Variants in SFMBT1 observed in about 807,000 individuals in gnomAD.
SFMBT1 encodes Scm like with four mbt domains 1.
SFMBT1 carries 32 observed loss-of-function variants against 108.7 expected under a neutral mutation model. The observed-to-expected ratio is 0.29, with a 90% CI of 0.22 to 0.40. The LOEUF is 0.40. Ranked by LOEUF, SFMBT1 falls within the 10% of genes least tolerant of loss-of-function variation. The pLI is 1.00. For synonymous variants in SFMBT1, 348 were observed against 369.5 expected (o/e 0.94, Z 0.67); for missense variants, 816 against 1,059.6 (o/e 0.77, Z 3.19).
At chr3:52,940,723 T>C (rs960945645) in intron 4 of SFMBT1, among the ~76,000 whole-genome samples, 1 of 152,182 alleles carries the variant, frequency 6.6e-6, no homozygotes, top group African/African-American at 2.4e-5. Context: ...TGAAGAGTAA[T>C]GGGATATTTT....
At chr3:52,923,903 G>A (rs1702584156) in intron 10 of SFMBT1, among the ~76,000 whole-genome samples, 1 of 152,140 alleles carries the variant, frequency 6.6e-6, no homozygotes, top group Admixed American at 6.5e-5. Flanking sequence ...ACCTAGCACA[G>A]CGGATGAAAA....
rs762763268 is a variant in SFMBT1 at position 52,921,788 on chromosome 3, G to A, written c.1175C>T (p.Ala392Val). 2.8e-5 allele frequency: 45 copies of A among 1,613,888 alleles called. No individual in the cohort carries two copies. The highest frequency in any genetic ancestry group is 9.3e-5 in the African/African-American group (7 of 74,916). Residue 392 changes from alanine (A) to valine (V), a missense_variant, in exon 11 of 21, where the codon GCG (alanine) becomes GTG (valine). This residue lies in a region of SFMBT1 where 495 missense variants were observed against 607.4 expected (regional missense o/e 0.81). Transcript: ENST00000394752. Reference sequence around the variant, plus strand: ...TTCTTCAGGGAGAATGGGGTTCACCGCCTCGAGCTTCATGTTCTCCTTAAA... The same window carrying A: ...TTCTTCAGGGAGAATGGGGTTCACCACCTCGAGCTTCATGTTCTCCTTAAA... ...HEFKENMKLE[A>V]VNPILPEEVC...
rs1156868312 is a variant in SFMBT1, at chr3:52,913,467, C to A, written c.1620+11G>T. On this transcript the variant is annotated intron_variant, in intron 15 of 20. Coordinates refer to ENST00000394752, the MANE Select transcript of SFMBT1 (RefSeq NM_016329.4). ...ATTTCCAAGTTATTTTGCTCTAGGCCAGAACCTTACCTCTCTAAGGACCAG... is the reference window on the plus strand; with the variant it reads ...ATTTCCAAGTTATTTTGCTCTAGGCAAGAACCTTACCTCTCTAAGGACCAG... 5 of 1,609,110 alleles carry A rather than the reference C, an allele frequency of 3.1e-6. No individual in the cohort carries two copies. In the African/African-American group the frequency reaches 5.4e-5, roughly 17 times the overall value.
chr3:53,011,882 T>C (rs1000150029), intron 1 of SFMBT1, among the ~76,000 whole-genome samples: 1 of 152,090 alleles, frequency 6.6e-6, no homozygotes, highest in African/African-American at 2.4e-5. Context: ...GATGACAAAG[T>C]AGAAGAAAGG....
chr3:52,917,686 T>C (rs1245276532), intron 13 of SFMBT1, among the ~76,000 whole-genome samples: 1 of 152,170 alleles, frequency 6.6e-6, no homozygotes, highest in African/African-American at 2.4e-5. Context: ...AGCAGCAGCA[T>C]TAGATTCTCA....
intron 1 of SFMBT1, among the ~76,000 whole-genome samples, chr3:53,039,810 T>G (rs372865548): frequency 6.6e-6 from 1 of 152,192 alleles, no homozygotes; most frequent in East Asian, 1.9e-4. Flanking sequence ...AATTTTGGTA[T>G]ACTTTTTTTT....
chr3:52,921,924 C>A, intron 10 of SFMBT1, 93 bp from the exon 11 acceptor site: 2 of 1,225,058 alleles, frequency 1.6e-6, no homozygotes, highest in Non-Finnish European at 2.4e-6. Context: ...AGTACTTAAT[C>A]CCTAGGTTTA....
chr3:52,996,669 G>A lies in SFMBT1; in HGVS notation c.-130-27411C>T, dbSNP rs113372233. On this transcript the variant is annotated intron_variant, in intron 1 of 20. Coordinates refer to ENST00000394752, the MANE Select transcript of SFMBT1 (RefSeq NM_016329.4). ...ACACCAACTAAAATGGCTAAAATAC[G>A]AACAATAGGAAATTTAATAAGGATG... 4.5e-4 allele frequency among the ~76,000 whole-genome samples: 68 copies of A among 150,362 alleles called. 5 individuals carry two copies. The highest frequency in any genetic ancestry group is 4.5e-4 in the Non-Finnish European group (30 of 67,104).
chr3:52,994,909 A>G (rs551556144), intron 1 of SFMBT1, among the ~76,000 whole-genome samples: 1 of 150,200 alleles, frequency 6.7e-6, no homozygotes, highest in Admixed American at 6.7e-5. Flanking sequence ...GGAAAGAAAA[A>G]AAGAGCAAGA....
intron 10 of SFMBT1, 33 bp from the exon 11 acceptor site, chr3:52,921,864 G>A: frequency 6.2e-7 from 1 of 1,608,540 alleles, no homozygotes; most frequent in Non-Finnish European, 8.5e-7. Flanking sequence ...CAATTTACTG[G>A]ATTAACACAG....
In SFMBT1 at chr3:52,930,404, T is replaced by G; in HGVS notation, c.822A>C (p.Thr274=). 2 of 1,612,842 alleles carry G rather than the reference T, an allele frequency of 1.2e-6. No individual in the cohort carries two copies. Among genetic ancestry groups the G allele is most frequent in the Non-Finnish European group, 1.7e-6 (2 of 1,178,766 alleles). ...FKDKQVIGIH[T]FSVNMKLEAV... Reference sequence around the variant, plus strand: ...CTTCCAATTTCATGTTTACAGAGAATGTATGAATGCCAATAACTTGTTTGT... The same window carrying G: ...CTTCCAATTTCATGTTTACAGAGAAGGTATGAATGCCAATAACTTGTTTGT... Residue 274 remains threonine, a synonymous_variant, in exon 8 of 21, where the codon ACA becomes ACC. Coordinates refer to ENST00000394752, the MANE Select transcript of SFMBT1 (RefSeq NM_016329.4).
At chr3:52,985,999 T>C (rs1265079461) in intron 1 of SFMBT1, among the ~76,000 whole-genome samples, 2 of 151,486 alleles carry the variant, frequency 1.3e-5, no homozygotes. Flanking sequence ...AAAAATTAGC[T>C]CGGTGTGGTA....
intron 2 of SFMBT1, among the ~76,000 whole-genome samples, chr3:52,963,594 A>G (rs951847344): frequency 6.6e-6 from 1 of 151,902 alleles, no homozygotes; most frequent in African/African-American, 2.4e-5. Flanking sequence ...GACTACAGGT[A>G]CATGCCACTG....
chr3:52,992,183 G>A (rs1205613220), intron 1 of SFMBT1, among the ~76,000 whole-genome samples: 5 of 152,190 alleles, frequency 3.3e-5, no homozygotes, highest in Non-Finnish European at 7.3e-5. Context: ...CCTTCACATA[G>A]CTGAGAGAAC....
chr3:52,904,344 G>C lies in SFMBT1; in HGVS notation c.*792C>G, dbSNP rs1398620385. 1 of 152,228 alleles carries C rather than the reference G, an allele frequency of 6.6e-6. No homozygotes were observed. The highest frequency in any genetic ancestry group is 2.4e-5 in the African/African-American group (1 of 41,460). 9.4% of individuals were successfully genotyped at this position (152,228 alleles called of 1,614,324 possible). ...CTCGGCTGGGTCAAGATGGAGAACA[G>C]TAACAGTAGAGTTCTCAGATCAGGT... On this transcript the variant is annotated 3_prime_UTR_variant, in exon 21 of 21. Transcript: ENST00000394752.
rs1174237348 is a variant in SFMBT1 at position 53,004,212 on chromosome 3, T to TCCTC, written c.-130-34958_-130-34955dup. 1.4e-4 allele frequency among the ~76,000 whole-genome samples: 20 copies of TCCTC among 145,726 alleles called. 1 individual carries two copies. The highest frequency in any genetic ancestry group is 2.2e-4 in the South Asian group (1 of 4,448). On this transcript the variant is annotated intron_variant, in intron 1 of 20. Transcript: ENST00000394752. ...TTCCTTCCTTCCTTCTTCCCTTCCT[T>TCCTC]CCTCCCTCCCTCCCTCCCTTCCTCC...
chr3:53,029,950 GA>G (rs947847760), intron 1 of SFMBT1, among the ~76,000 whole-genome samples: 1 of 144,766 alleles, frequency 6.9e-6, no homozygotes, highest in East Asian at 2.0e-4. Flanking sequence ...CACTAACTTA[GA>G]AAAAAAAACA....
intron 2 of SFMBT1, among the ~76,000 whole-genome samples, chr3:52,962,651 C>T (rs756336647): frequency 6.6e-6 from 1 of 151,572 alleles, no homozygotes; most frequent in Admixed American, 6.6e-5. Flanking sequence ...ACTAAAAATA[C>T]AAAAATTAGC....
At position 53,000,483 on chromosome 3, in the gene SFMBT1, A is replaced by C. The variant is rs540243662; in HGVS notation, c.-130-31225T>G. On this transcript the variant is annotated intron_variant, in intron 1 of 20. Coordinates refer to ENST00000394752, the MANE Select transcript of SFMBT1 (RefSeq NM_016329.4). ...AAATGTCTTATTCTTAGAGATGTAC[A>C]TTAAAGTATTAAGAGTACTGAGTTA... 1.2e-4 allele frequency among the ~76,000 whole-genome samples: 18 copies of C among 150,116 alleles called. 2 individuals are homozygous for C. The South Asian group carries it at 1.7e-3, about 14-fold the overall frequency.
Sources: gnomAD v4.1 joint callset for allele counts (sites outside exome capture counted in the v4.1 genomes callset) on GRCh38, gnomAD v4.1.1 for gene constraint, gnomAD v4.1.1 regional missense constraint, MANE v1.5 for transcripts, NCBI Gene and HGNC (gene_info 2026-07-23, HGNC 2026-07-21) for gene names.